The following ANKS1B variants were observed in gnomAD, a reference collection of about 807,000 sequenced individuals.
ANKS1B encodes ankyrin repeat and sterile alpha motif domain-containing protein 1B.
In ANKS1B, 36 loss-of-function variants were observed where a neutral mutation model predicts 148.3. That is an observed-to-expected ratio of 0.24 (90% CI 0.19 to 0.32). ANKS1B has a LOEUF of 0.32. Ranked by LOEUF, ANKS1B falls within the 10% of genes least tolerant of loss-of-function variation. ANKS1B has a pLI of 1.00. For missense variants in ANKS1B, 1,157 were observed against 1,542.6 expected (o/e 0.75, Z 4.19); for synonymous variants, 542 against 560.8 (o/e 0.97, Z 0.47).
intron 8 of ANKS1B, among the ~76,000 whole-genome samples, chr12:99,672,801 A>G (rs909724066): frequency 3.3e-5 from 5 of 152,166 alleles, no homozygotes; most frequent in Non-Finnish European, 7.4e-5. Context: ...CTCTCCTATC[A>G]TAGTTTAATA....
chr12:99,757,730 C>CAT (rs1166209725), intron 8 of ANKS1B, among the ~76,000 whole-genome samples: 2 of 151,770 alleles, frequency 1.3e-5, no homozygotes, highest in East Asian at 1.9e-4. Context: ...ATATGTGGTG[C>CAT]ATATATATAT....
At chr12:99,549,833 C>T (rs1179899363) in intron 9 of ANKS1B, among the ~76,000 whole-genome samples, 1 of 152,198 alleles carries the variant, frequency 6.6e-6, no homozygotes, top group Admixed American at 6.5e-5. Flanking sequence ...TCCACTAAGG[C>T]TTGGGCTGTG....
chr12:99,076,770 T>C (rs2047993996), intron 16 of ANKS1B, among the ~76,000 whole-genome samples: 1 of 152,200 alleles, frequency 6.6e-6, no homozygotes, highest in South Asian at 2.1e-4. Flanking sequence ...TAGCTGGATA[T>C]TTATTGATAA....
At chr12:98,813,561 G>C (rs1201961101) in intron 19 of ANKS1B, among the ~76,000 whole-genome samples, 6 of 151,332 alleles carry the variant, frequency 4.0e-5, no homozygotes, top group African/African-American at 1.5e-4. Flanking sequence ...GGTGGCATTG[G>C]AGACAGGGTC....
intron 14 of ANKS1B, among the ~76,000 whole-genome samples, chr12:99,233,793 A>G (rs1016485292): frequency 6.6e-6 from 1 of 152,154 alleles, no homozygotes; most frequent in Non-Finnish European, 1.5e-5. Flanking sequence ...ACTGATTTCT[A>G]TTAGTAAAAC....
intron 9 of ANKS1B, among the ~76,000 whole-genome samples, chr12:99,614,484 G>T (rs550704279): frequency 2.3e-4 from 34 of 148,924 alleles, no homozygotes; most frequent in Admixed American, 1.3e-3. Flanking sequence ...GGGAAGGGGA[G>T]GGGAGGGGAG....
rs573704179 is a variant in ANKS1B at position 99,126,975 on chromosome 12, C to T, written c.2526+27314G>A. On this transcript the variant is annotated intron_variant, in intron 15 of 26. Transcript: ENST00000683438. ...GCTAAGATTTGAGTCATGATGGAAA[C>T]CTTGAATTTAAAAAAAACTAACCTT... 1.8e-3 allele frequency among the ~76,000 whole-genome samples: 273 copies of T among 151,876 alleles called. 1 individual carries two copies. Among genetic ancestry groups the T allele is most frequent in the Admixed American group, 3.5e-3 (54 of 15,272 alleles).
chr12:98,816,975 T>C (rs1195017336), intron 19 of ANKS1B, among the ~76,000 whole-genome samples: 1 of 152,148 alleles, frequency 6.6e-6, no homozygotes, highest in Non-Finnish European at 1.5e-5. Flanking sequence ...AGATGAAATT[T>C]TCTGCCGTGT....
chr12:99,721,955 T>C (rs1213191236), intron 8 of ANKS1B, among the ~76,000 whole-genome samples: 2 of 152,224 alleles, frequency 1.3e-5, no homozygotes, highest in Non-Finnish European at 2.9e-5. Flanking sequence ...TTTAGTGCTC[T>C]GGAAAGATCA....
At chr12:99,696,644 T>C (rs2053968741) in intron 8 of ANKS1B, among the ~76,000 whole-genome samples, 1 of 151,928 alleles carries the variant, frequency 6.6e-6, no homozygotes, top group Non-Finnish European at 1.5e-5. Context: ...AGGAAAAAAA[T>C]CTAGATAGTG....
intron 17 of ANKS1B, among the ~76,000 whole-genome samples, chr12:98,969,558 A>C (rs1406357406): frequency 6.6e-6 from 1 of 151,068 alleles, no homozygotes; most frequent in Non-Finnish European, 1.5e-5. Context: ...ATCTCAACTG[A>C]TTTTGTGAAA....
At chr12:99,852,221 G>A (rs1267404549) in intron 1 of ANKS1B, among the ~76,000 whole-genome samples, 1 of 152,028 alleles carries the variant, frequency 6.6e-6, no homozygotes, top group African/African-American at 2.4e-5. Context: ...CTGAATAAAG[G>A]GTACATGCTT....
intron 26 of ANKS1B, among the ~76,000 whole-genome samples, chr12:98,748,474 T>G (rs2097960119): frequency 6.6e-6 from 1 of 152,230 alleles, no homozygotes; most frequent in South Asian, 2.1e-4. Flanking sequence ...TTTCCAGGTC[T>G]GCCTGCCCTG....
chr12:99,964,053 C>T (rs1321762982), intron 1 of ANKS1B, among the ~76,000 whole-genome samples: 1 of 152,050 alleles, frequency 6.6e-6, no homozygotes, highest in Non-Finnish European at 1.5e-5. Context: ...TTCAGCTAAA[C>T]AGCAAAAAAA....
At chr12:98,822,131 C>G (rs2099200473) in intron 19 of ANKS1B, among the ~76,000 whole-genome samples, 1 of 151,770 alleles carries the variant, frequency 6.6e-6, no homozygotes, top group African/African-American at 2.4e-5. Context: ...CTGCTTAAGC[C>G]ATCTTGAGTT....
chr12:99,906,226 A>G (rs1363673232), intron 1 of ANKS1B, among the ~76,000 whole-genome samples: 1 of 152,194 alleles, frequency 6.6e-6, no homozygotes, highest in African/African-American at 2.4e-5. Flanking sequence ...ACAGCCAGCA[A>G]TGAGGCAAGA....
intron 10 of ANKS1B, among the ~76,000 whole-genome samples, chr12:99,467,508 C>T (rs540389400): frequency 1.4e-3 from 214 of 152,184 alleles, no homozygotes; most frequent in African/African-American, 3.1e-3. Context: ...TGTCCCTGTT[C>T]GCAGATGACA....
At chr12:99,776,402 T>A (rs1282061063) in intron 6 of ANKS1B, among the ~76,000 whole-genome samples, 2 of 152,202 alleles carry the variant, frequency 1.3e-5, no homozygotes, top group Admixed American at 6.5e-5. Flanking sequence ...AGATTACAAG[T>A]AAAGGAGGAG....
rs372246354 is a variant in ANKS1B, at chr12:99,053,112, T to A, written c.2778+45A>T. ...TAAAAAAAGAAAATTAAATTTCATT[T>A]ATCAAGGGTTGAATAGTTAAGGTGT... On this transcript the variant is annotated intron_variant, in intron 17 of 26. Transcript: ENST00000683438. The A allele has an allele frequency of 3.4e-6, 5 of 1,481,168 alleles. No individual in the cohort carries two copies. In the African/African-American group the frequency reaches 5.7e-5, roughly 17 times the overall value. 91.8% of individuals were successfully genotyped at this position (1,481,168 alleles called of 1,614,324 possible).
Sources: allele counts gnomAD v4.1 joint callset (sites outside exome capture counted in the v4.1 genomes callset), GRCh38; gene constraint gnomAD v4.1.1; transcripts MANE v1.5; gene names NCBI Gene and HGNC (gene_info 2026-07-23, HGNC 2026-07-21).